DNAAF19: variants seen among roughly 807,000 people sequenced by gnomAD.
DNAAF19 encodes coiled-coil domain containing 103.
the DNAAF19 span, chr17:44,903,604 C>A: frequency 3.6e-6 from 5 of 1,405,360 alleles, no homozygotes; most frequent in African/African-American, 2.9e-5. Context: ...GCTTTCCCCC[C>A]CCACCCTGAG....
the DNAAF19 span, chr17:44,903,679 G>A: frequency 7.0e-7 from 1 of 1,435,774 alleles, no homozygotes; most frequent in Admixed American, 2.9e-5. Flanking sequence ...CTTGCACTTG[G>A]CGGCTTCCTC....
chr17:44,904,837 G>A, the DNAAF19 span: 2 of 1,550,684 alleles, frequency 1.3e-6, no homozygotes, highest in East Asian at 2.4e-5. Context: ...GCTTCACCCA[G>A]CTGGATGACC....
the DNAAF19 span, chr17:44,904,195 G>A: frequency 9.7e-6 from 15 of 1,550,462 alleles, no homozygotes; most frequent in East Asian, 2.4e-5. Context: ...ACTCAGGCCT[G>A]TACTTCTGCG....
At chr17:44,903,955 C>G in the DNAAF19 span, 5 of 1,550,606 alleles carry the variant, frequency 3.2e-6, no homozygotes, top group Non-Finnish European at 4.4e-6. Context: ...AAAATGCAGC[C>G]TACCTGGCCG....
chr17:44,903,710 C>G, the DNAAF19 span: 1 of 1,440,068 alleles, frequency 6.9e-7, no homozygotes, highest in Admixed American at 2.9e-5. Context: ...TGCTGCTTTT[C>G]CTGGCTGCAT....
the DNAAF19 span, chr17:44,903,746 C>G: frequency 2.5e-5 from 36 of 1,459,726 alleles, no homozygotes; most frequent in East Asian, 8.4e-4. Flanking sequence ...TAGAGGCTTC[C>G]GCTTAGCAGA....
At chr17:44,904,578 G>A in the DNAAF19 span, 58 of 1,550,440 alleles carry the variant, frequency 3.7e-5, no homozygotes, top group South Asian at 2.4e-4. Flanking sequence ...AAGACCATCC[G>A]GGAGGGCGTG....
At chr17:44,901,137 T>G in the DNAAF19 span, 1 of 1,604,662 alleles carries the variant, frequency 6.2e-7, no homozygotes, top group Middle Eastern at 1.7e-4. Flanking sequence ...CTATGAGGAG[T>G]TCAGGTTGGC....
chr17:44,904,198 C>A, the DNAAF19 span: 1 of 1,550,470 alleles, frequency 6.4e-7, no homozygotes, highest in East Asian at 2.4e-5. Context: ...CAGGCCTGTA[C>A]TTCTGCGGCA....
At chr17:44,903,725 C>T in the DNAAF19 span, 2 of 1,446,932 alleles carry the variant, frequency 1.4e-6, no homozygotes, top group Non-Finnish European at 1.8e-6. Flanking sequence ...CTGCATAATC[C>T]TTTCCTCATC....
the DNAAF19 span, chr17:44,899,764 G>C: frequency 1.3e-5 from 2 of 152,302 alleles, no homozygotes; most frequent in Non-Finnish European, 2.9e-5. Flanking sequence ...TTGCCCTCCT[G>C]TTCTGGTTTA....
the DNAAF19 span, chr17:44,903,238 A>C: frequency 8.0e-7 from 1 of 1,253,114 alleles, no homozygotes; most frequent in Non-Finnish European, 1.0e-6. Flanking sequence ...ATAGCCCCAA[A>C]CCAATGAATG....
At chr17:44,903,127 A>T in the DNAAF19 span, 1 of 1,282,288 alleles carries the variant, frequency 7.8e-7, no homozygotes. Flanking sequence ...GCCCAACCAA[A>T]TGCTGGCTAT....
the DNAAF19 span, chr17:44,902,480 T>C: frequency 5.0e-6 from 8 of 1,614,208 alleles, no homozygotes; most frequent in Non-Finnish European, 6.8e-6. Context: ...GGTCCAAGGC[T>C]CGGCTGCCTC....
At chr17:44,904,948 G>C in the DNAAF19 span, 1 of 1,550,700 alleles carries the variant, frequency 6.4e-7, no homozygotes, top group South Asian at 1.2e-5. Flanking sequence ...CAGATCCTGA[G>C]ACTCGCTCGG....
chr17:44,903,561 T>C, the DNAAF19 span: 2 of 1,379,758 alleles, frequency 1.4e-6, no homozygotes, highest in East Asian at 5.4e-5. Flanking sequence ...GCCAGTGTTC[T>C]AGAAAGGGGA....
chr17:44,903,612 G>A, the DNAAF19 span: 5 of 1,404,982 alleles, frequency 3.6e-6, no homozygotes, highest in African/African-American at 4.3e-5. Context: ...CCCCCACCCT[G>A]AGATCAGGTC....
chr17:44,904,090 G>A, the DNAAF19 span: 21 of 1,550,650 alleles, frequency 1.4e-5, no homozygotes, highest in Non-Finnish European at 1.7e-5. Flanking sequence ...GGCGGGTGCT[G>A]ACGGAGGCAG....
the DNAAF19 span, chr17:44,903,981 T>C: frequency 2.6e-6 from 4 of 1,550,530 alleles, no homozygotes; most frequent in Non-Finnish European, 3.5e-6. Flanking sequence ...AGCTTTGAGC[T>C]TCCCTGTCAC....
Sources: gnomAD v4.1 joint callset for allele counts on GRCh38, gnomAD v4.1.1 for gene constraint, MANE v1.5 for transcripts, NCBI Gene and HGNC (gene_info 2026-07-23, HGNC 2026-07-21) for gene names.